The following PCIF1 variants were observed in gnomAD, a reference collection of about 807,000 sequenced individuals.
PCIF1 encodes the protein mRNA (2'-O-methyladenosine-N(6)-)-methyltransferase.
In PCIF1, 12 loss-of-function variants were observed where a neutral mutation model predicts 86.9. The ratio of observed to expected loss-of-function variants is 0.14; its 90% confidence interval spans 0.09 to 0.22. The LOEUF (loss-of-function observed/expected upper bound fraction) is 0.22. Among genes scored for constraint, PCIF1 ranks in the 10% least tolerant of loss-of-function variants. The probability of loss-of-function intolerance (pLI) is 1.00; values close to 1 mark genes in which losing one functional copy is unlikely to be tolerated. For synonymous variants in PCIF1, 397 were observed against 372.0 expected, an observed-to-expected ratio of 1.07 and a Z score of -0.77; for missense variants, 701 against 951.1, an observed-to-expected ratio of 0.74 and a Z score of 3.46.
At chr20:45,945,916 T>C (rs774323846) in intron 12 of PCIF1, 33 bp downstream of exon 12, 3 of 1,613,386 alleles carry the variant, frequency 1.9e-6, no homozygotes, top group East Asian at 4.5e-5. Context: ...CCCTAGCTGA[T>C]GGCATGAGTC....
Position 45,936,055 on chromosome 20 carries a change from CATT to C in PCIF1, c.-188+1255_-188+1257del, listed in dbSNP as rs112991969. 7.9e-5 allele frequency among the ~76,000 whole-genome samples: 12 copies of C among 152,340 alleles called. 1 individual carries two copies. Among genetic ancestry groups the C allele is most frequent in the African/African-American group, 2.6e-4 (11 of 41,578 alleles). On this transcript the variant is annotated intron_variant, in intron 1 of 16. Coordinates refer to ENST00000372409, the MANE Select transcript of PCIF1 (RefSeq NM_022104.4). ...TTTGCATGTTTTTGTTTTTGCAAGA[CATT>C]ATTCAGAGCGTGTCTTTGACTTGCT...
intron 1 of PCIF1, among the ~76,000 whole-genome samples, 200 bp from the exon 2 acceptor site, chr20:45,937,218 G>A (rs776311245): frequency 6.6e-6 from 1 of 152,306 alleles, no homozygotes; most frequent in African/African-American, 2.4e-5. Flanking sequence ...CTGTGCAGCC[G>A]TGCAGGTCAC....
chr20:45,945,779 G>A lies in PCIF1; in HGVS notation c.1237G>A (p.Ala413Thr). The A allele has an allele frequency of 6.2e-7, 1 of 1,613,924 alleles. No individual in the cohort carries two copies. Among genetic ancestry groups the A allele is most frequent in the Non-Finnish European group, 8.5e-7 (1 of 1,180,038 alleles). The change falls in exon 12 of 17, where the codon GCA (alanine) becomes ACA (threonine). Residue 413 changes from alanine to threonine, a missense_variant. Ala to Thr is a moderately conservative substitution (Grantham distance 58). This residue lies in a region of PCIF1 where 121 missense variants were observed against 131.7 expected (regional missense o/e 0.92). Transcript: ENST00000372409. ...CTACCCAGTCCGGCTGGCTGTGTCT[G>A]CACCGCCCATGCCCAGCGTGGAGAT... is the stretch of plus-strand genomic sequence containing the variant. Reference protein sequence around the residue: ...YCYPVRLAVSAPPMPSVEMHM... With the variant: ...YCYPVRLAVSTPPMPSVEMHM...
In PCIF1 at chr20:45,947,486, G is replaced by C. The variant is rs1457110751; in HGVS notation, c.1884-38G>C. 1 of 1,613,140 alleles carries C rather than the reference G, an allele frequency of 6.2e-7. No individual in the cohort carries two copies. Among genetic ancestry groups the C allele is most frequent in the Non-Finnish European group, 8.5e-7 (1 of 1,179,884 alleles). ...GAAGGAGGCTGGGCTGGCCAGGCCA[G>C]GCCCAGCCCCACCCTGAGCCATTGC... On this transcript the variant is annotated intron_variant, in intron 16 of 16. Transcript: ENST00000372409. The surrounding 1 kb of genome is among the most constrained non-coding windows in gnomAD (Gnocchi z 5.4).
intron 7 of PCIF1, among the ~76,000 whole-genome samples, 169 bp from the exon 8 acceptor site, chr20:45,942,928 C>T (rs1318614030): frequency 2.0e-5 from 3 of 152,000 alleles, no homozygotes; most frequent in Non-Finnish European, 4.4e-5. Context: ...CTTATCAACA[C>T]TATAAAACTA....
intron 1 of PCIF1, among the ~76,000 whole-genome samples, chr20:45,935,713 C>T (rs187690681): frequency 6.6e-6 from 1 of 151,998 alleles, no homozygotes; most frequent in African/African-American, 2.4e-5. Context: ...ATGAGTCATC[C>T]TGTCTCCCAG....
At chr20:45,936,763 T>C (rs2083430109) in intron 1 of PCIF1, among the ~76,000 whole-genome samples, 1 of 152,070 alleles carries the variant, frequency 6.6e-6, no homozygotes, top group African/African-American at 2.4e-5. Context: ...AAATCCCGTC[T>C]CTACTAAAAG....
chr20:45,945,548 C>T (rs1455855391), intron 11 of PCIF1, among the ~76,000 whole-genome samples, 163 bp from the exon 12 acceptor site: 2 of 152,136 alleles, frequency 1.3e-5, no homozygotes, highest in Non-Finnish European at 2.9e-5. Context: ...AGTTGCCTGG[C>T]TGGTTTCTTT....
In PCIF1 at chr20:45,947,343, C is replaced by T. The variant is rs774534935; in HGVS notation, c.1788C>T (p.Leu596=). ...PEWREPPTPA[L]TRMEQSRFKR... ...GGCGGGAACCCCCAACACCAGCGCT[C>T]ACCCGCATGGAGCAGAGCCGCTTCA... is the stretch of plus-strand genomic sequence containing the variant. The change falls in exon 16 of 17, where the codon CTC becomes CTT. Residue 596 remains leucine (L), a synonymous_variant. Transcript: ENST00000372409. The surrounding 1 kb of genome is among the most constrained non-coding windows in gnomAD (Gnocchi z 5.4). 6.2e-7 allele frequency: 1 copy of T among 1,613,902 alleles called. No homozygotes were observed. The highest frequency in any genetic ancestry group is 1.3e-5 in the African/African-American group (1 of 74,932).
chr20:45,935,643 G>A (rs1361132546), intron 1 of PCIF1, among the ~76,000 whole-genome samples: 1 of 152,068 alleles, frequency 6.6e-6, no homozygotes, highest in African/African-American at 2.4e-5. Context: ...AGTCACATAG[G>A]AAATTAAAAA....
At chr20:45,938,610 A>C (rs1270941291) in intron 2 of PCIF1, among the ~76,000 whole-genome samples, 1 of 152,114 alleles carries the variant, frequency 6.6e-6, no homozygotes, top group African/African-American at 2.4e-5. Context: ...GGGGAGACAA[A>C]CCCAGCTGAT....
At chr20:45,944,455 G>C (rs559185748) in intron 10 of PCIF1, among the ~76,000 whole-genome samples, 48 of 152,298 alleles carry the variant, frequency 3.2e-4, no homozygotes, top group Non-Finnish European at 6.5e-4. Flanking sequence ...CAGCAACCAA[G>C]CACCCTGTTT....
chr20:45,942,766 CTTT>C (rs780815783), intron 7 of PCIF1, among the ~76,000 whole-genome samples: 1 of 71,744 alleles, frequency 1.4e-5, no homozygotes, highest in African/African-American at 5.6e-5. Context: ...CAGCTAATTT[CTTT>C]TTTTTTTTTT....
In PCIF1 at chr20:45,939,129, G is replaced by C; in HGVS notation, c.124+6G>C. ...CCTGGTTCAGGACCTCCCAGGTACTGAGGGGGAGCAGTAGTGGGGTGGTGG... is the reference window on the plus strand; with the variant it reads ...CCTGGTTCAGGACCTCCCAGGTACTCAGGGGGAGCAGTAGTGGGGTGGTGG... On this transcript the variant is annotated splice_donor_region_variant and intron_variant, in intron 3 of 16. Transcript: ENST00000372409. The C allele has an allele frequency of 6.2e-7, 1 of 1,614,120 alleles. No individual in the cohort carries two copies. The highest frequency in any genetic ancestry group is 8.5e-7 in the Non-Finnish European group (1 of 1,180,014).
Position 45,947,854 on chromosome 20 carries a change from T to C in PCIF1, c.*99T>C, listed in dbSNP as rs113182869. 1.9e-3 allele frequency: 2,856 copies of C among 1,536,964 alleles called. 44 individuals are homozygous for C. In the African/African-American group the frequency reaches 0.034, roughly 18 times the overall value. ...AGGGACCCCGGCTGCCACTGACATA[T>C]GAAGATTATGGTTCTGCCAGGGCTC... is the stretch of plus-strand genomic sequence containing the variant. On this transcript the variant is annotated 3_prime_UTR_variant, in exon 17 of 17. Coordinates refer to ENST00000372409, the MANE Select transcript of PCIF1 (RefSeq NM_022104.4). This position sits in a 1 kb window ranked among gnomAD's most constrained non-coding sequence, Gnocchi z 5.4.
intron 11 of PCIF1, 62 bp downstream of exon 11, chr20:45,945,092 G>T (rs983325602): frequency 1.3e-6 from 2 of 1,496,480 alleles, no homozygotes; most frequent in Admixed American, 2.0e-5. Context: ...CTGATGGAAG[G>T]GACAAGTGAG....
Position 45,946,408 on chromosome 20 carries a change from T to C in PCIF1, c.1613+24T>C, listed in dbSNP as rs572729973. 14 of 1,607,734 alleles carry C rather than the reference T, an allele frequency of 8.7e-6. 1 individual carries two copies. The highest frequency in any genetic ancestry group is 1.7e-4 in the Middle Eastern group (1 of 6,054). ...GGGTGAGGGCCAAGGGCTGCCCCTCTACCCAGGCCAGGGAAGAGGTCCTCC... is the reference window on the plus strand; with the variant it reads ...GGGTGAGGGCCAAGGGCTGCCCCTCCACCCAGGCCAGGGAAGAGGTCCTCC... On this transcript the variant is annotated intron_variant, in intron 14 of 16. Transcript: ENST00000372409.
chr20:45,944,784 C>A, intron 10 of PCIF1, 84 bp from the exon 11 acceptor site: 1 of 1,459,100 alleles, frequency 6.9e-7, no homozygotes, highest in Non-Finnish European at 9.2e-7. Context: ...GACTGCTGGA[C>A]TCCAACAGCC....
chr20:45,941,088 T>C lies in PCIF1; in HGVS notation c.554T>C (p.Val185Ala). 1 of 1,614,196 alleles carries C rather than the reference T, an allele frequency of 6.2e-7. No homozygotes were observed. The highest frequency in any genetic ancestry group is 8.5e-7 in the Non-Finnish European group (1 of 1,180,028). Residue 185 changes from valine to alanine, a missense_variant, in exon 7 of 17, where the codon GTC becomes GCC. Val to Ala is a moderately conservative substitution (Grantham distance 64). Transcript: ENST00000372409. ...GACCTGGACATCCAGACCAATGCTG[T>C]CATCAAGCACCGGGGGCCTTCAGAG... is the stretch of plus-strand genomic sequence containing the variant. Reference protein sequence around the residue: ...YWDLDIQTNAVIKHRGPSEVL... With the variant: ...YWDLDIQTNAAIKHRGPSEVL...
Sources: gnomAD v4.1 joint callset for allele counts (sites outside exome capture counted in the v4.1 genomes callset) on GRCh38, gnomAD v4.1.1 for gene constraint, gnomAD v4.1.1 regional missense constraint, Gnocchi (gnomAD v3.1) non-coding constraint, MANE v1.5 for transcripts, NCBI Gene and HGNC (gene_info 2026-07-23, HGNC 2026-07-21) for gene names.